Variants in CSMD1 observed in about 807,000 individuals in gnomAD.
CSMD1 encodes the protein CUB and Sushi multiple domains 1.
A neutral mutation model predicts 417.5 loss-of-function variants in CSMD1; 213 were observed. The observed-to-expected ratio is 0.51, with a 90% confidence interval of 0.46 to 0.57. CSMD1 has a LOEUF of 0.57. Among genes scored for constraint, CSMD1 ranks in the 20% least tolerant of loss-of-function variants. CSMD1 has a pLI of 0.00. For synonymous variants in CSMD1, 2,862 were observed against 1,736.8 expected (o/e 1.65, Z -16.11); for missense variants, 6,923 against 4,529.7 (o/e 1.53, Z -15.17).
chr8:3,782,300 G>A (rs975163396), intron 5 of CSMD1, among the ~76,000 whole-genome samples: 10 of 152,052 alleles, frequency 6.6e-5, no homozygotes, highest in Non-Finnish European at 1.5e-4. Flanking sequence ...ATATTTCCAT[G>A]CTAACCATAC....
chr8:3,732,786 A>T (rs1053837908), intron 6 of CSMD1, among the ~76,000 whole-genome samples: 1 of 152,144 alleles, frequency 6.6e-6, no homozygotes, highest in Non-Finnish European at 1.5e-5. Flanking sequence ...CGTCCATCCC[A>T]CTGAGTGATT....
intron 29 of CSMD1, among the ~76,000 whole-genome samples, chr8:3,218,063 T>G (rs899875498): frequency 1.3e-5 from 2 of 152,070 alleles, no homozygotes; most frequent in Admixed American, 6.6e-5. Context: ...TAGCAAAATG[T>G]TGAGTTGAAG....
intron 25 of CSMD1, among the ~76,000 whole-genome samples, chr8:3,295,488 T>A (rs1803898584): frequency 6.6e-6 from 1 of 152,184 alleles, no homozygotes; most frequent in South Asian, 2.1e-4. Context: ...AGAACTTTGT[T>A]AATTTACTTT....
chr8:3,741,053 A>G (rs150212667), intron 6 of CSMD1, among the ~76,000 whole-genome samples: 274 of 152,088 alleles, frequency 1.8e-3, no homozygotes, highest in African/African-American at 6.4e-3. Context: ...CGTCTCTACT[A>G]AAAATACAAA....
intron 3 of CSMD1, among the ~76,000 whole-genome samples, chr8:4,181,950 G>C (rs1267101485): frequency 2.7e-5 from 1 of 37,250 alleles, no homozygotes; most frequent in Admixed American, 4.4e-4. Flanking sequence ...CTGTTTGTCT[G>C]TGTCTGCGTG....
chr8:4,613,408 G>C (rs1040720736), intron 2 of CSMD1, among the ~76,000 whole-genome samples: 13 of 152,132 alleles, frequency 8.5e-5, no homozygotes, highest in Non-Finnish European at 1.8e-4. Context: ...GCTTAGGCAA[G>C]CTCATGCTAC....
chr8:3,588,064 C>T (rs1443746492), intron 8 of CSMD1, among the ~76,000 whole-genome samples: 1 of 151,966 alleles, frequency 6.6e-6, no homozygotes, highest in Admixed American at 6.6e-5. Context: ...GTGTTTAAAC[C>T]TCATTTAAGA....
chr8:3,859,202 G>A (rs978721505), intron 5 of CSMD1, among the ~76,000 whole-genome samples: 1 of 152,140 alleles, frequency 6.6e-6, no homozygotes, highest in African/African-American at 2.4e-5. Flanking sequence ...GCGTAGCAGA[G>A]GAGTACGTGG....
At chr8:3,777,212 T>G (rs1291273254) in intron 5 of CSMD1, among the ~76,000 whole-genome samples, 1 of 151,960 alleles carries the variant, frequency 6.6e-6, no homozygotes, top group East Asian at 1.9e-4. Context: ...GTTTAAAATC[T>G]GCCTTCTCCT....
At chr8:3,725,849 G>C (rs578224334) in intron 6 of CSMD1, among the ~76,000 whole-genome samples, 5 of 152,200 alleles carry the variant, frequency 3.3e-5, no homozygotes, top group Admixed American at 3.3e-4. Flanking sequence ...TCCACTTGCA[G>C]TGGATAAAAA....
intron 5 of CSMD1, among the ~76,000 whole-genome samples, chr8:3,788,826 C>T (rs1157179557): frequency 6.6e-6 from 1 of 152,172 alleles, no homozygotes; most frequent in Non-Finnish European, 1.5e-5. Flanking sequence ...GTATTTCATG[C>T]AACCTTCACA....
At chr8:4,647,288 A>G (rs1183302473) in intron 1 of CSMD1, among the ~76,000 whole-genome samples, 2 of 147,914 alleles carry the variant, frequency 1.4e-5, no homozygotes, top group East Asian at 2.0e-4. Context: ...ATACATGTGC[A>G]CAAACTGCAG....
At chr8:3,678,939 G>A (rs377200353) in intron 7 of CSMD1, among the ~76,000 whole-genome samples, 2 of 152,056 alleles carry the variant, frequency 1.3e-5, no homozygotes, top group African/African-American at 2.4e-5. Context: ...GCCAAATTAA[G>A]CTTCATAAGT....
chr8:3,521,815 C>G (rs28695789), intron 10 of CSMD1, among the ~76,000 whole-genome samples: 1 of 152,070 alleles, frequency 6.6e-6, no homozygotes, highest in Non-Finnish European at 1.5e-5. Context: ...TGTATACACA[C>G]CTTCTTAGCT....
chr8:3,154,045 C>A (rs1410354636), intron 39 of CSMD1, among the ~76,000 whole-genome samples: 2 of 152,220 alleles, frequency 1.3e-5, no homozygotes, highest in African/African-American at 2.4e-5. Flanking sequence ...CAGCTCACTG[C>A]AACCTCCGCC....
At chr8:3,213,278 G>T (rs952069323) in intron 30 of CSMD1, among the ~76,000 whole-genome samples, 9 of 152,160 alleles carry the variant, frequency 5.9e-5, no homozygotes, top group African/African-American at 2.2e-4. Flanking sequence ...GAATGTCTCT[G>T]CAACAAGCCA....
chr8:4,007,090 G>A (rs927495754), intron 4 of CSMD1, among the ~76,000 whole-genome samples: 3 of 151,870 alleles, frequency 2.0e-5, no homozygotes, highest in African/African-American at 4.8e-5. Context: ...CAGCCACCTC[G>A]GCCTCCCAAA....
chr8:4,141,031 C>T (rs533376922), intron 3 of CSMD1, among the ~76,000 whole-genome samples: 1 of 151,246 alleles, frequency 6.6e-6, no homozygotes, highest in Non-Finnish European at 1.5e-5. Context: ...ACAAACATTG[C>T]CGTTTCATCT....
chr8:4,612,075 G>A lies in CSMD1; in HGVS notation c.302+25267C>T, dbSNP rs973920298. Reference sequence around the variant, plus strand: ...GGCGTGTCCCTAGGAGGTGAGGATAGAAGAGTGCTGGGAAGAGGAGGCACA... The same window carrying A: ...GGCGTGTCCCTAGGAGGTGAGGATAAAAGAGTGCTGGGAAGAGGAGGCACA... On this transcript the variant is annotated intron_variant, in intron 2 of 69. Transcript: ENST00000635120. 2.0e-5 allele frequency among the ~76,000 whole-genome samples: 3 copies of A among 152,126 alleles called. No homozygotes were observed. In the South Asian group the frequency reaches 6.2e-4, roughly 32 times the overall value.
Sources: allele counts gnomAD v4.1 joint callset (sites outside exome capture counted in the v4.1 genomes callset), GRCh38; gene constraint gnomAD v4.1.1; transcripts MANE v1.5; gene names NCBI Gene and HGNC (gene_info 2026-07-23, HGNC 2026-07-21).